Variants in SSU72 observed in about 807,000 individuals in gnomAD.
SSU72 encodes the protein SSU72 homolog, RNA polymerase II CTD phosphatase, also known as RNA polymerase II subunit A C-terminal domain phosphatase SSU72.
SSU72 carries 12 observed loss-of-function variants against 22.7 expected under a neutral mutation model. That is an observed-to-expected ratio of 0.53 (90% confidence interval 0.34 to 0.86). SSU72 has a LOEUF of 0.86. SSU72 is among the 40% of genes least tolerant of loss of function. SSU72 has a pLI of 0.02. For synonymous variants in SSU72, 116 were observed against 98.3 expected (o/e 1.18, Z -1.06); for missense variants, 151 against 249.8 (o/e 0.60, Z 2.67).
chr1:1,558,757 C>T (rs530579927), intron 2 of SSU72, among the ~76,000 whole-genome samples: 113 of 152,312 alleles, frequency 7.4e-4, no homozygotes, highest in Non-Finnish European at 1.4e-3. Context: ...TGTCTGCCAC[C>T]CCAGCCCTCC....
chr1:1,570,687 T>C (rs1463504912), intron 1 of SSU72, among the ~76,000 whole-genome samples: 4 of 152,222 alleles, frequency 2.6e-5, no homozygotes, highest in Non-Finnish European at 5.9e-5. Flanking sequence ...AAACTAATGA[T>C]GTGAATACTA....
chr1:1,569,036 T>C (rs1642696811), intron 1 of SSU72, among the ~76,000 whole-genome samples: 1 of 151,848 alleles, frequency 6.6e-6, no homozygotes, highest in Admixed American at 6.6e-5. Context: ...TAGCTGGACA[T>C]GGTGGTGCAT....
intron 2 of SSU72, among the ~76,000 whole-genome samples, chr1:1,548,445 T>G (rs1376545918): frequency 1.3e-5 from 2 of 151,868 alleles, no homozygotes; most frequent in African/African-American, 2.4e-5. Flanking sequence ...TCCCAGCTAC[T>G]CTGGAGGCTG....
At chr1:1,570,915 C>T (rs375978082) in intron 1 of SSU72, among the ~76,000 whole-genome samples, 30 of 147,246 alleles carry the variant, frequency 2.0e-4, no homozygotes, top group East Asian at 1.8e-3. Flanking sequence ...ATCGAGACCA[C>T]CCTGGCCAAC....
Position 1,566,252 on chromosome 1 carries a change from G to A in SSU72, c.81-1336C>T, listed in dbSNP as rs145755899. Reference sequence around the variant, plus strand: ...TGCACTCCAGCCTGGGCAAAAGAGCGAGACTCTGTCCCAAAAAAACAACAA... The same window carrying A: ...TGCACTCCAGCCTGGGCAAAAGAGCAAGACTCTGTCCCAAAAAAACAACAA... On this transcript the variant is annotated intron_variant, in intron 1 of 4. Coordinates refer to ENST00000291386, the MANE Select transcript of SSU72 (RefSeq NM_014188.3). 7.6e-3 allele frequency among the ~76,000 whole-genome samples: 1,158 copies of A among 152,140 alleles called. 14 individuals are homozygous for A. Among genetic ancestry groups the A allele is most frequent in the African/African-American group, 0.026 (1,061 of 41,472 alleles).
Position 1,544,916 on chromosome 1 carries a change from A to G in SSU72, c.311T>C (p.Leu104Pro). 6.2e-7 allele frequency: 1 copy of G among 1,614,174 alleles called. No individual in the cohort carries two copies. The highest frequency in any genetic ancestry group is 8.5e-7 in the Non-Finnish European group (1 of 1,180,022). Reference sequence around the variant, plus strand: ...TTCGCAAGTGAGGATCAGATCAAACAGGTCTTTGCAGTTCTGGAATCTTTC... The same window carrying G: ...TTCGCAAGTGAGGATCAGATCAAACGGGTCTTTGCAGTTCTGGAATCTTTC... The part of the protein sequence containing the change: ...RPERFQNCKD[L>P]FDLILTCEER... Residue 104 changes from leucine to proline, a missense_variant, in exon 3 of 5, where the codon CTG (leucine) becomes CCG (proline). Physicochemically the swap from Leu to Pro is moderately conservative, Grantham distance 98 (BLOSUM62 -3). Transcript: ENST00000291386.
At chr1:1,566,564 AAAGT>A (rs1233703486) in intron 1 of SSU72, among the ~76,000 whole-genome samples, 2 of 152,170 alleles carry the variant, frequency 1.3e-5, no homozygotes, top group East Asian at 3.9e-4. Flanking sequence ...TAAAAAAAGA[AAAGT>A]AAGGCCGGGT....
chr1:1,549,756 C>G lies in SSU72; in HGVS notation c.225-4754G>C, dbSNP rs1042916236. Among the ~76,000 whole-genome samples the G allele has an allele frequency of 7.9e-4, 120 of 151,910 alleles. 1 individual carries two copies. The highest frequency in any genetic ancestry group is 1.3e-4 in the Non-Finnish European group (9 of 67,982). On this transcript the variant is annotated intron_variant, in intron 2 of 4. Transcript: ENST00000291386. ...TTGGGAGGCCGAGGCGGGTGGATCA[C>G]AAGGTCAGGAGATCGAGACCATCCT...
chr1:1,567,346 C>T (rs760755913), intron 1 of SSU72, among the ~76,000 whole-genome samples: 6 of 152,196 alleles, frequency 3.9e-5, no homozygotes, highest in Admixed American at 1.3e-4. Flanking sequence ...CTACACAACC[C>T]GGCTCTCCAA....
chr1:1,569,495 T>C (rs1290530120), intron 1 of SSU72, among the ~76,000 whole-genome samples: 2 of 152,190 alleles, frequency 1.3e-5, no homozygotes, highest in Non-Finnish European at 2.9e-5. Context: ...AAATTGTTAC[T>C]GTGTCTGTTT....
chr1:1,547,487 C>T (rs551682907), intron 2 of SSU72, among the ~76,000 whole-genome samples: 7 of 152,308 alleles, frequency 4.6e-5, no homozygotes, highest in East Asian at 1.9e-4. Flanking sequence ...CGAGGAGATG[C>T]GAGGTGAGGC....
At chr1:1,558,726 C>CA (rs3835460) in intron 2 of SSU72, among the ~76,000 whole-genome samples, 75,282 of 151,956 alleles carry the variant, frequency 0.5, 23,386 homozygotes, top group East Asian at 0.86. Flanking sequence ...TTCCCTGGAG[C>CA]GGGGGAACTG....
At chr1:1,544,610 C>G in intron 3 of SSU72, 1 of 542,710 alleles carries the variant, frequency 1.8e-6, no homozygotes, top group South Asian at 2.0e-5. Context: ...GAGCACGACT[C>G]TGTCTCAAAA....
At chr1:1,558,127 A>C (rs557031129) in intron 2 of SSU72, among the ~76,000 whole-genome samples, 1 of 148,944 alleles carries the variant, frequency 6.7e-6, no homozygotes, top group African/African-American at 2.5e-5. Flanking sequence ...GCTTGAACCC[A>C]GGGTCGGAGG....
rs183779328 is a variant in SSU72 at position 1,555,111 on chromosome 1, C to T, written c.224+9662G>A. 3.3e-3 allele frequency among the ~76,000 whole-genome samples: 501 copies of T among 152,232 alleles called. 2 individuals carry two copies. The highest frequency in any genetic ancestry group is 0.011 in the African/African-American group (465 of 41,546). On this transcript the variant is annotated intron_variant, in intron 2 of 4. Coordinates refer to ENST00000291386, the MANE Select transcript of SSU72 (RefSeq NM_014188.3). Reference sequence around the variant, plus strand: ...CCAGATTGTCCCGGTAACTGAGTGACGGGACACACAGGAACACTGCAGAGC... The same window carrying T: ...CCAGATTGTCCCGGTAACTGAGTGATGGGACACACAGGAACACTGCAGAGC...
chr1:1,564,947 G>A, intron 1 of SSU72, 31 bp from the exon 2 acceptor site: 3 of 1,562,624 alleles, frequency 1.9e-6, no homozygotes, highest in Non-Finnish European at 2.6e-6. Flanking sequence ...AAGAATCACA[G>A]TCACACTAAG....
At chr1:1,570,169 C>T (rs1052974879) in intron 1 of SSU72, among the ~76,000 whole-genome samples, 4 of 151,714 alleles carry the variant, frequency 2.6e-5, no homozygotes, top group Admixed American at 1.3e-4. Context: ...TGCCTCACAC[C>T]TGTAATCCAA....
intron 2 of SSU72, among the ~76,000 whole-genome samples, chr1:1,548,030 A>G (rs1032264174): frequency 2.0e-5 from 3 of 152,216 alleles, no homozygotes; most frequent in African/African-American, 7.2e-5. Context: ...ACTGGGCATG[A>G]GGGCCTGAAA....
chr1:1,554,153 C>G lies in SSU72; in HGVS notation c.225-9151G>C, dbSNP rs544980191. 1.6e-4 allele frequency among the ~76,000 whole-genome samples: 24 copies of G among 150,580 alleles called. 1 individual carries two copies. The highest frequency in any genetic ancestry group is 6.9e-3 in the Middle Eastern group (2 of 290). On this transcript the variant is annotated intron_variant, in intron 2 of 4. Coordinates refer to ENST00000291386, the MANE Select transcript of SSU72 (RefSeq NM_014188.3). The surrounding 1 kb of genome is among the most constrained non-coding windows in gnomAD (Gnocchi z 4.1). ...CATCAGCAAAAAGTGAAGCTGAGCA[C>G]GAGGCGGATCCGGACCACTAAGGGG...
Sources: gnomAD v4.1 joint callset for allele counts (sites outside exome capture counted in the v4.1 genomes callset) on GRCh38, gnomAD v4.1.1 for gene constraint, Gnocchi (gnomAD v3.1) non-coding constraint, MANE v1.5 for transcripts, NCBI Gene and HGNC (gene_info 2026-07-23, HGNC 2026-07-21) for gene names.